AGBL4: variants seen among roughly 807,000 people sequenced by gnomAD.
AGBL4 encodes AGBL carboxypeptidase 4, also known as cytosolic carboxypeptidase 6.
A neutral mutation model predicts 66.4 loss-of-function variants in AGBL4; 58 were observed. The observed-to-expected ratio is 0.87, with a 90% CI of 0.71 to 1.09. The LOEUF (loss-of-function observed/expected upper bound fraction) is 1.09. Ranked by LOEUF, AGBL4 falls within the 50% of genes least tolerant of loss-of-function variation. AGBL4 has a pLI of 0.00. For synonymous variants in AGBL4, 234 were observed against 222.9 expected (o/e 1.05, Z -0.44); for missense variants, 579 against 631.0 (o/e 0.92, Z 0.88).
At chr1:48,968,901 A>C (rs1471327281) in intron 5 of AGBL4, among the ~76,000 whole-genome samples, 1 of 152,206 alleles carries the variant, frequency 6.6e-6, no homozygotes, top group Non-Finnish European at 1.5e-5. Context: ...TGGAGCACAG[A>C]ATATATGTAG....
intron 2 of AGBL4, among the ~76,000 whole-genome samples, chr1:49,763,515 G>A (rs1273142694): frequency 6.6e-6 from 1 of 152,150 alleles, no homozygotes; most frequent in Non-Finnish European, 1.5e-5. Context: ...GATTACATTG[G>A]GATTCACTAA....
intron 4 of AGBL4, among the ~76,000 whole-genome samples, chr1:49,136,043 T>C (rs1355904349): frequency 6.6e-6 from 1 of 152,128 alleles, no homozygotes; most frequent in African/African-American, 2.4e-5. Context: ...ACCAGATAAA[T>C]TAACAGTAAT....
At chr1:49,828,998 G>A (rs1645584412) in intron 2 of AGBL4, among the ~76,000 whole-genome samples, 1 of 151,956 alleles carries the variant, frequency 6.6e-6, no homozygotes, top group African/African-American at 2.4e-5. Flanking sequence ...GAACCCGGGA[G>A]GCGGAGCTTG....
chr1:49,764,892 C>T (rs1179243318), intron 2 of AGBL4, among the ~76,000 whole-genome samples: 1 of 152,130 alleles, frequency 6.6e-6, no homozygotes. Flanking sequence ...CAGACTAATG[C>T]AGTACGTATC....
At chr1:49,580,228 A>T (rs1333836604) in intron 3 of AGBL4, among the ~76,000 whole-genome samples, 1 of 152,154 alleles carries the variant, frequency 6.6e-6, no homozygotes, top group Non-Finnish European at 1.5e-5. Flanking sequence ...AGTTTCTTGT[A>T]TGCAGCATAT....
rs551391334 is a variant in AGBL4, at chr1:49,478,769, A to G, written c.282+218544T>C. On this transcript the variant is annotated intron_variant, in intron 3 of 13. Coordinates refer to ENST00000371839, the MANE Select transcript of AGBL4 (RefSeq NM_032785.4). ...CTAGAGTATGAACCAATCAAAAATA[A>G]CTACAGCAACTTTTCAAGACATAGA... is the stretch of plus-strand genomic sequence containing the variant. Among the ~76,000 whole-genome samples the G allele has an allele frequency of 2.3e-4, 35 of 152,178 alleles. No homozygotes were observed. In the East Asian group the frequency reaches 6.2e-3, roughly 27 times the overall value.
At chr1:49,383,857 C>A (rs191542494) in intron 3 of AGBL4, among the ~76,000 whole-genome samples, 153 of 151,602 alleles carry the variant, frequency 1.0e-3, no homozygotes, top group Non-Finnish European at 7.2e-4. Flanking sequence ...AGTACAGTGG[C>A]GTGATCTTGG....
chr1:49,789,770 G>C (rs1644548805), intron 2 of AGBL4, among the ~76,000 whole-genome samples: 1 of 152,276 alleles, frequency 6.6e-6, no homozygotes, highest in African/African-American at 2.4e-5. Flanking sequence ...GTAATTTATA[G>C]ATTCAATGCT....
At chr1:48,708,937 A>T (rs561884964) in intron 6 of AGBL4, among the ~76,000 whole-genome samples, 2 of 152,312 alleles carry the variant, frequency 1.3e-5, no homozygotes, top group South Asian at 4.1e-4. Flanking sequence ...AGGGTGAGAA[A>T]GTTGGAAGGG....
At chr1:49,224,502 C>T (rs1416026426) in intron 4 of AGBL4, among the ~76,000 whole-genome samples, 1 of 150,804 alleles carries the variant, frequency 6.6e-6, no homozygotes, top group Non-Finnish European at 1.5e-5. Context: ...CTGTAGTCCC[C>T]ACTACTTGGG....
At chr1:49,446,760 A>C (rs1186188867) in intron 3 of AGBL4, among the ~76,000 whole-genome samples, 2 of 152,186 alleles carry the variant, frequency 1.3e-5, no homozygotes, top group Non-Finnish European at 2.9e-5. Flanking sequence ...AGATTGAGGA[A>C]ATAAAATGAC....
intron 3 of AGBL4, among the ~76,000 whole-genome samples, chr1:49,447,214 G>C (rs938743096): frequency 6.6e-6 from 1 of 152,186 alleles, no homozygotes; most frequent in Non-Finnish European, 1.5e-5. Flanking sequence ...TTGTGCCACT[G>C]CTAGAATGAG....
Position 48,970,592 on chromosome 1 carries a change from G to A in AGBL4, c.594+74992C>T, listed in dbSNP as rs147132430. On this transcript the variant is annotated intron_variant, in intron 5 of 13. Transcript: ENST00000371839. ...AGGCCCCACTATGAAAAGCAATTAT[G>A]CTGTCAGAAAAGTGTATTTTGACTT... Among the ~76,000 whole-genome samples, 68 of 152,224 alleles carry A rather than the reference G, an allele frequency of 4.5e-4. 1 individual carries two copies. The South Asian group carries it at 9.5e-3, about 21-fold the overall frequency.
intron 6 of AGBL4, among the ~76,000 whole-genome samples, chr1:48,734,035 G>A (rs530768532): frequency 1.3e-5 from 2 of 152,238 alleles, no homozygotes; most frequent in Admixed American, 6.5e-5. Flanking sequence ...ATTAGAGGTC[G>A]GTCACCTACC....
chr1:49,739,071 T>C (rs1445711766), intron 2 of AGBL4, among the ~76,000 whole-genome samples: 2 of 151,972 alleles, frequency 1.3e-5, no homozygotes, highest in African/African-American at 2.4e-5. Context: ...CTTTGACGAG[T>C]TGAGAGAAGA....
At chr1:48,729,752 G>C (rs998161792) in intron 6 of AGBL4, among the ~76,000 whole-genome samples, 2 of 151,236 alleles carry the variant, frequency 1.3e-5, no homozygotes, top group Admixed American at 6.6e-5. Flanking sequence ...TTCTTTCTCT[G>C]AGGCACCCTT....
chr1:49,753,660 T>C (rs1294730499), intron 2 of AGBL4, among the ~76,000 whole-genome samples: 7 of 152,340 alleles, frequency 4.6e-5, no homozygotes, highest in Non-Finnish European at 1.0e-4. Flanking sequence ...TCCTGAACAG[T>C]GTTTCCCAAC....
At chr1:48,568,025 G>T (rs1484118731) in intron 11 of AGBL4, among the ~76,000 whole-genome samples, 2 of 152,176 alleles carry the variant, frequency 1.3e-5, no homozygotes, top group African/African-American at 2.4e-5. Flanking sequence ...CCAGCTGGAA[G>T]CAGAGAAGAT....
intron 2 of AGBL4, among the ~76,000 whole-genome samples, chr1:49,725,590 C>G (rs1181919432): frequency 6.6e-6 from 1 of 151,432 alleles, no homozygotes; most frequent in East Asian, 1.9e-4. Context: ...GTTCTTATGG[C>G]AAATCACCAG....
Sources: allele counts gnomAD v4.1 joint callset (sites outside exome capture counted in the v4.1 genomes callset), GRCh38; gene constraint gnomAD v4.1.1; transcripts MANE v1.5; gene names NCBI Gene and HGNC (gene_info 2026-07-23, HGNC 2026-07-21).